The following LYPD6 variants were observed in gnomAD, a reference collection of about 807,000 sequenced individuals.
The protein encoded by LYPD6 is ly6/PLAUR domain-containing protein 6.
Under a neutral mutation model 22.7 loss-of-function variants are expected in LYPD6, and 15 were observed. That is an observed-to-expected ratio of 0.66 (90% CI 0.44 to 1.02). The LOEUF is 1.02. Ranked by LOEUF, LYPD6 falls within the 50% of genes least tolerant of loss-of-function variation. LYPD6 has a pLI of 0.00. For synonymous variants in LYPD6, 72 were observed against 77.5 expected, an observed-to-expected ratio of 0.93 and a Z score of 0.37; for missense variants, 189 against 208.4, an observed-to-expected ratio of 0.91 and a Z score of 0.57.
At chr2:149,403,039 G>A (rs1682598649) in intron 1 of LYPD6, among the ~76,000 whole-genome samples, 1 of 152,018 alleles carries the variant, frequency 6.6e-6, no homozygotes, top group African/African-American at 2.4e-5. Flanking sequence ...TTTCATCCAT[G>A]TCCCTACAAA....
chr2:149,344,256 ATC>A lies in LYPD6; in HGVS notation c.-72+13538_-72+13539del, dbSNP rs368762782. Among the ~76,000 whole-genome samples, 132 of 152,252 alleles carry A rather than the reference ATC, an allele frequency of 8.7e-4. 2 individuals are homozygous for A. In the South Asian group the frequency reaches 0.026, roughly 30 times the overall value. On this transcript the variant is annotated intron_variant, in intron 1 of 4. Coordinates refer to ENST00000334166, the MANE Select transcript of LYPD6 (RefSeq NM_194317.5). ...GATCAACAATGTACTCTGTTAGAAA[ATC>A]TCTGCATCTACTTTAAGAGAAGTGC...
intron 1 of LYPD6, among the ~76,000 whole-genome samples, chr2:149,379,385 A>G (rs984251030): frequency 1.2e-4 from 19 of 152,204 alleles, no homozygotes; most frequent in African/African-American, 4.3e-4. Context: ...TTTACAAACC[A>G]CTTACCTTAA....
Position 149,425,353 on chromosome 2 carries a change from T to A in LYPD6, c.-71-12285T>A, listed in dbSNP as rs1298904087. 2.6e-5 allele frequency among the ~76,000 whole-genome samples: 4 copies of A among 152,216 alleles called. 1 individual carries two copies. The South Asian group carries it at 6.2e-4, about 24-fold the overall frequency. On this transcript the variant is annotated intron_variant, in intron 1 of 4. Transcript: ENST00000334166. ...GATTTTACTAAGAGAGCTCAAGAATTTGAGTATTATGCTAGAACTATTAAC... is the reference window on the plus strand; with the variant it reads ...GATTTTACTAAGAGAGCTCAAGAATATGAGTATTATGCTAGAACTATTAAC...
chr2:149,480,019 CT>C, the LYPD6 span, among the ~76,000 whole-genome samples: 27,457 of 143,830 alleles, frequency 0.19, 3,814 homozygotes, highest in African/African-American at 0.4. Flanking sequence ...TTTTCTCTCT[CT>C]TTTTTTTTTT....
intron 1 of LYPD6, among the ~76,000 whole-genome samples, chr2:149,343,848 G>A (rs1167340347): frequency 6.6e-6 from 1 of 152,032 alleles, no homozygotes; most frequent in African/African-American, 2.4e-5. Context: ...CACTTCCAAA[G>A]GAGGACCTGT....
intron 1 of LYPD6, among the ~76,000 whole-genome samples, chr2:149,400,210 G>A (rs879533816): frequency 5.9e-5 from 9 of 152,194 alleles, no homozygotes; most frequent in African/African-American, 1.7e-4. Context: ...TCCACTGTCT[G>A]AGCACTTCTT....
At chr2:149,423,389 G>C (rs1362463197) in intron 1 of LYPD6, among the ~76,000 whole-genome samples, 1 of 152,210 alleles carries the variant, frequency 6.6e-6, no homozygotes, top group East Asian at 1.9e-4. Flanking sequence ...CAGGCTGCAT[G>C]ATGAAGGGGG....
chr2:149,351,286 C>T (rs1410023654), intron 1 of LYPD6, among the ~76,000 whole-genome samples: 4 of 149,114 alleles, frequency 2.7e-5, no homozygotes, highest in Non-Finnish European at 5.9e-5. Context: ...CCCAGCTACT[C>T]GGGAGGCTGA....
At chr2:149,459,396 G>A (rs1484544418) in intron 3 of LYPD6, among the ~76,000 whole-genome samples, 2 of 152,188 alleles carry the variant, frequency 1.3e-5, no homozygotes. Flanking sequence ...ATGGCTGAAG[G>A]AAGCTCTATA....
chr2:149,412,259 A>G (rs1453209487), intron 1 of LYPD6, among the ~76,000 whole-genome samples: 1 of 152,122 alleles, frequency 6.6e-6, no homozygotes, highest in Non-Finnish European at 1.5e-5. Context: ...CCTTTTTACC[A>G]ATTTTATGGG....
intron 1 of LYPD6, among the ~76,000 whole-genome samples, chr2:149,371,532 T>A (rs1254538055): frequency 6.6e-6 from 1 of 152,218 alleles, no homozygotes; most frequent in Non-Finnish European, 1.5e-5. Flanking sequence ...AGTTAATTTA[T>A]GTTTCAAATG....
intron 1 of LYPD6, among the ~76,000 whole-genome samples, chr2:149,354,388 A>G (rs551697586): frequency 7.9e-5 from 12 of 152,194 alleles, no homozygotes; most frequent in African/African-American, 2.6e-4. Flanking sequence ...TTGTATTTTT[A>G]GTAGAGACGG....
At chr2:149,441,438 C>G (rs1038459127) in intron 2 of LYPD6, among the ~76,000 whole-genome samples, 1 of 152,176 alleles carries the variant, frequency 6.6e-6, no homozygotes, top group African/African-American at 2.4e-5. Flanking sequence ...CCCAGAACAG[C>G]CATCACTGAT....
chr2:149,463,554 G>A (rs1681133785), intron 3 of LYPD6, among the ~76,000 whole-genome samples: 1 of 152,112 alleles, frequency 6.6e-6, no homozygotes. Flanking sequence ...GAAGTAAAAA[G>A]TTATATTCAC....
intron 1 of LYPD6, chr2:149,368,274 T>C (rs1681725254): frequency 6.6e-6 from 1 of 152,180 alleles, no homozygotes. Context: ...GGCATTGGAG[T>C]ATTAGGTATA....
chr2:149,447,750 G>A (rs1186345528), intron 2 of LYPD6, among the ~76,000 whole-genome samples: 2 of 152,188 alleles, frequency 1.3e-5, no homozygotes, highest in African/African-American at 4.8e-5. Flanking sequence ...TTGTGTATAA[G>A]TTGACATGAG....
intron 1 of LYPD6, among the ~76,000 whole-genome samples, chr2:149,395,826 T>C (rs1215462183): frequency 6.6e-6 from 1 of 152,204 alleles, no homozygotes; most frequent in Admixed American, 6.5e-5. Flanking sequence ...TAGAAATGGC[T>C]GTTGAATTTC....
At chr2:149,369,294 A>T (rs1681752655) in intron 1 of LYPD6, among the ~76,000 whole-genome samples, 1 of 152,160 alleles carries the variant, frequency 6.6e-6, no homozygotes. Flanking sequence ...GGACCCAAAA[A>T]GTCTCCAGGA....
At chr2:149,397,934 G>GA (rs1278554851) in intron 1 of LYPD6, among the ~76,000 whole-genome samples, 1 of 151,808 alleles carries the variant, frequency 6.6e-6, no homozygotes, top group Non-Finnish European at 1.5e-5. Flanking sequence ...AGTAGATGTT[G>GA]AAAAAAATAA....
Sources: allele counts gnomAD v4.1 joint callset (sites outside exome capture counted in the v4.1 genomes callset), GRCh38; gene constraint gnomAD v4.1.1; transcripts MANE v1.5; gene names NCBI Gene and HGNC (gene_info 2026-07-23, HGNC 2026-07-21).